GABBR2: variants seen among roughly 807,000 people sequenced by gnomAD.
GABBR2 encodes the protein gamma-aminobutyric acid type B receptor subunit 2.
Under a neutral mutation model 105.6 loss-of-function variants are expected in GABBR2, and 23 were observed. The ratio of observed to expected loss-of-function variants is 0.22; its 90% CI spans 0.16 to 0.31. GABBR2 has a LOEUF of 0.31. GABBR2 is among the 10% of genes least tolerant of loss of function. The pLI, the probability that GABBR2 is intolerant of heterozygous loss-of-function variation, is 1.00. For missense variants in GABBR2, 734 were observed against 1,245.5 expected, an observed-to-expected ratio of 0.59 and a Z score of 6.18; for synonymous variants, 478 against 499.7, an observed-to-expected ratio of 0.96 and a Z score of 0.58.
chr9:98,417,320 G>C (rs1242975881), intron 7 of GABBR2, among the ~76,000 whole-genome samples: 1 of 152,254 alleles, frequency 6.6e-6, no homozygotes, highest in African/African-American at 2.4e-5. Context: ...GACATGCAGA[G>C]TGGCCCAAGG....
chr9:98,402,030 T>C (rs991716708), intron 8 of GABBR2, among the ~76,000 whole-genome samples: 2 of 152,216 alleles, frequency 1.3e-5, no homozygotes. Flanking sequence ...ATGACAATTA[T>C]GTCGTTAGAG....
chr9:98,325,449 A>T (rs1830906197), intron 13 of GABBR2, among the ~76,000 whole-genome samples: 1 of 151,358 alleles, frequency 6.6e-6, no homozygotes, highest in Non-Finnish European at 1.5e-5. Context: ...ATGCCACAAC[A>T]CCCGGCTGAT....
chr9:98,386,178 A>G (rs1028878516), intron 10 of GABBR2, among the ~76,000 whole-genome samples: 5 of 149,538 alleles, frequency 3.3e-5, no homozygotes, highest in African/African-American at 9.9e-5. Context: ...TCATCCATTA[A>G]TTTTCAGTTT....
At chr9:98,488,085 C>A (rs1827097709) in intron 4 of GABBR2, among the ~76,000 whole-genome samples, 2 of 152,150 alleles carry the variant, frequency 1.3e-5, no homozygotes, top group Non-Finnish European at 2.9e-5. Context: ...CTGAGGGATG[C>A]AGGTGGCCTC....
At chr9:98,667,857 G>C (rs1172061919) in intron 1 of GABBR2, among the ~76,000 whole-genome samples, 3 of 152,180 alleles carry the variant, frequency 2.0e-5, no homozygotes, top group Non-Finnish European at 4.4e-5. Context: ...CCCTTTTGCT[G>C]GGCTGATATG....
intron 1 of GABBR2, among the ~76,000 whole-genome samples, chr9:98,606,484 T>A (rs1389259147): frequency 4.9e-5 from 1 of 20,336 alleles, no homozygotes; most frequent in African/African-American, 1.6e-4. Context: ...TTTTTTTTTC[T>A]TTTTTTTTTT....
intron 3 of GABBR2, among the ~76,000 whole-genome samples, chr9:98,498,308 T>C (rs902601159): frequency 9.9e-5 from 15 of 152,224 alleles, no homozygotes; most frequent in Non-Finnish European, 2.2e-4. Flanking sequence ...GCAGATGCAG[T>C]AGTGATAGTT....
At chr9:98,302,937 G>C (rs769000119) in intron 16 of GABBR2, 110 of 378,418 alleles carry the variant, frequency 2.9e-4, no homozygotes, top group Non-Finnish European at 4.7e-4. Context: ...CACTGACGTA[G>C]GAAGCTATGA....
intron 6 of GABBR2, among the ~76,000 whole-genome samples, chr9:98,463,589 C>A (rs1826466273): frequency 6.7e-6 from 1 of 148,714 alleles, no homozygotes; most frequent in African/African-American, 2.5e-5. Context: ...CTCTCCCTCG[C>A]CCTCTCGCTC....
At chr9:98,682,179 A>G (rs1830557710) in intron 1 of GABBR2, among the ~76,000 whole-genome samples, 1 of 151,210 alleles carries the variant, frequency 6.6e-6, no homozygotes, top group African/African-American at 2.4e-5. Flanking sequence ...ATAAGCTGAG[A>G]TTGCGCCACT....
intron 7 of GABBR2, among the ~76,000 whole-genome samples, chr9:98,409,280 T>A (rs1292385825): frequency 6.6e-6 from 1 of 152,176 alleles, no homozygotes; most frequent in Non-Finnish European, 1.5e-5. Context: ...CGGAGCAGCC[T>A]GTGATGTGAT....
chr9:98,529,460 A>T (rs567161699), intron 3 of GABBR2, among the ~76,000 whole-genome samples: 2 of 152,350 alleles, frequency 1.3e-5, no homozygotes, highest in East Asian at 3.9e-4. Context: ...TTATTTACAC[A>T]CATTCATTTA....
intron 3 of GABBR2, among the ~76,000 whole-genome samples, chr9:98,533,882 C>G (rs1427996775): frequency 6.6e-6 from 1 of 152,158 alleles, no homozygotes; most frequent in Non-Finnish European, 1.5e-5. Flanking sequence ...GAGGAGGCCT[C>G]AGAGAGACCA....
At chr9:98,660,495 C>T (rs781701338) in intron 1 of GABBR2, among the ~76,000 whole-genome samples, 20 of 152,198 alleles carry the variant, frequency 1.3e-4, no homozygotes, top group African/African-American at 4.1e-4. Context: ...TTTTTAACTG[C>T]CTTTATTGGC....
intron 2 of GABBR2, among the ~76,000 whole-genome samples, chr9:98,564,773 G>A (rs528279332): frequency 3.3e-5 from 5 of 152,334 alleles, no homozygotes; most frequent in African/African-American, 1.2e-4. Flanking sequence ...GTCTGGGCCT[G>A]AAGGAGTTGT....
At chr9:98,347,842 C>T (rs939534838) in intron 13 of GABBR2, among the ~76,000 whole-genome samples, 16 of 152,078 alleles carry the variant, frequency 1.1e-4, no homozygotes, top group East Asian at 1.9e-4. Context: ...TCAAGGGTGG[C>T]GCCAGGTGGA....
At chr9:98,687,573 GGCCTGCTCTGGGATCTGCTGTTTCCT>G (rs749209605) in intron 1 of GABBR2, among the ~76,000 whole-genome samples, 2 of 152,146 alleles carry the variant, frequency 1.3e-5, no homozygotes, top group Non-Finnish European at 2.9e-5. Context: ...TGAGGCCAGA[GGCCTGCTCTGGGATCTGCTGTTTCCT>G]GCCTGCTCTG....
chr9:98,400,715 A>T (rs1057496327), intron 8 of GABBR2, among the ~76,000 whole-genome samples: 1 of 152,220 alleles, frequency 6.6e-6, no homozygotes, highest in African/African-American at 2.4e-5. Flanking sequence ...AAGCACACCC[A>T]GGACCATGGA....
At chr9:98,669,511 T>C (rs919471619) in intron 1 of GABBR2, among the ~76,000 whole-genome samples, 1 of 152,216 alleles carries the variant, frequency 6.6e-6, no homozygotes, top group African/African-American at 2.4e-5. Flanking sequence ...ATATATTAAA[T>C]TATTGTATTT....
Sources: gnomAD v4.1 joint callset for allele counts (sites outside exome capture counted in the v4.1 genomes callset) on GRCh38, gnomAD v4.1.1 for gene constraint, MANE v1.5 for transcripts, NCBI Gene and HGNC (gene_info 2026-07-23, HGNC 2026-07-21) for gene names.